The following COL24A1 variants were observed in gnomAD, a reference collection of about 807,000 sequenced individuals.
COL24A1 encodes the protein collagen alpha-1(XXIV) chain.
A neutral mutation model predicts 253.9 loss-of-function variants in COL24A1; 224 were observed. That is an observed-to-expected ratio of 0.88 (90% CI 0.79 to 0.99). COL24A1 has a LOEUF of 0.99. Among genes scored for constraint, COL24A1 ranks in the 50% least tolerant of loss-of-function variants. The pLI, the probability that COL24A1 is intolerant of heterozygous loss-of-function variation, is 0.00. For synonymous variants in COL24A1, 685 were observed against 673.7 expected (o/e 1.02, Z -0.26); for missense variants, 2,131 against 2,068.5 (o/e 1.03, Z -0.59).
At chr1:85,961,779 GGAGA>G (rs750335544) in intron 23 of COL24A1, among the ~76,000 whole-genome samples, 1 of 152,180 alleles carries the variant, frequency 6.6e-6, no homozygotes, top group African/African-American at 2.4e-5. Flanking sequence ...TGTTGGAGCA[GGAGA>G]GAGTGAGAGC....
At chr1:86,061,721 A>G (rs1416340900) in intron 8 of COL24A1, among the ~76,000 whole-genome samples, 1 of 152,108 alleles carries the variant, frequency 6.6e-6, no homozygotes, top group East Asian at 1.9e-4. Flanking sequence ...AGACAACCAC[A>G]GAAACTCAAA....
chr1:86,143,386 A>C (rs551617863), intron 2 of COL24A1, among the ~76,000 whole-genome samples: 1 of 152,330 alleles, frequency 6.6e-6, no homozygotes, highest in South Asian at 2.1e-4. Context: ...TCTGAGATTT[A>C]GTGATAGTGA....
At chr1:85,817,053 G>A (rs1362700140) in intron 46 of COL24A1, among the ~76,000 whole-genome samples, 158 bp from the exon 47 acceptor site, 1 of 152,076 alleles carries the variant, frequency 6.6e-6, no homozygotes, top group Non-Finnish European at 1.5e-5. Flanking sequence ...TTACTATTTG[G>A]ATTCAACAGA....
intron 51 of COL24A1, 100 bp downstream of exon 51, chr1:85,783,396 A>C (rs1410186200): frequency 3.2e-6 from 3 of 931,550 alleles, no homozygotes; most frequent in Non-Finnish European, 4.9e-6. Flanking sequence ...AAGTCATTTC[A>C]TTAAGTTATT....
intron 5 of COL24A1, among the ~76,000 whole-genome samples, chr1:86,108,816 A>G (rs574157387): frequency 2.0e-5 from 3 of 151,552 alleles, no homozygotes; most frequent in Admixed American, 6.6e-5. Flanking sequence ...TCAAAAAAAA[A>G]AAAGGATTCT....
chr1:86,051,097 A>G lies in COL24A1; in HGVS notation c.1852-920T>C, dbSNP rs193128485. The stretch of plus-strand genomic sequence containing the variant: ...ATACAGCATACAGCCATGACAGGAA[A>G]CACTGAATATAGGCCAACCTGTTAG... On this transcript the variant is annotated intron_variant, in intron 10 of 59. Transcript: ENST00000370571. Among the ~76,000 whole-genome samples the G allele has an allele frequency of 2.6e-3, 395 of 152,250 alleles. 2 individuals carry two copies. Among genetic ancestry groups the G allele is most frequent in the African/African-American group, 9.2e-3 (381 of 41,566 alleles).
At chr1:85,797,825 C>G (rs998436728) in intron 47 of COL24A1, among the ~76,000 whole-genome samples, 1 of 152,096 alleles carries the variant, frequency 6.6e-6, no homozygotes, top group African/African-American at 2.4e-5. Flanking sequence ...GCACAGCACA[C>G]ATCAGAAGCA....
At chr1:85,815,147 T>C (rs1036572719) in intron 47 of COL24A1, among the ~76,000 whole-genome samples, 25 of 152,328 alleles carry the variant, frequency 1.6e-4, no homozygotes, top group Non-Finnish European at 3.1e-4. Flanking sequence ...TTCTCAAAAA[T>C]CTTATTCAAA....
At chr1:85,852,155 C>T (rs1045909465) in intron 37 of COL24A1, among the ~76,000 whole-genome samples, 5 of 150,784 alleles carry the variant, frequency 3.3e-5, no homozygotes, top group African/African-American at 9.7e-5. Context: ...TTTTTTTTTT[C>T]ATTTGGATAA....
chr1:86,005,094 G>A (rs1558976114), intron 19 of COL24A1, among the ~76,000 whole-genome samples: 2 of 146,088 alleles, frequency 1.4e-5, no homozygotes, highest in Non-Finnish European at 3.1e-5. Flanking sequence ...AATGGACAGT[G>A]AAAGAGTGAG....
chr1:85,819,422 C>T (rs1673374654), intron 45 of COL24A1, among the ~76,000 whole-genome samples: 1 of 151,858 alleles, frequency 6.6e-6, no homozygotes, highest in South Asian at 2.1e-4. Flanking sequence ...TCTTTTTATG[C>T]AACGAGATAT....
At chr1:86,099,654 G>A (rs550003374) in intron 5 of COL24A1, among the ~76,000 whole-genome samples, 4 of 152,216 alleles carry the variant, frequency 2.6e-5, no homozygotes, top group African/African-American at 7.2e-5. Context: ...AGCAAATCAT[G>A]TTGACTGTAA....
At chr1:85,842,020 G>GA in intron 41 of COL24A1, 48 bp downstream of exon 41, 2 of 1,510,206 alleles carry the variant, frequency 1.3e-6, no homozygotes, top group Non-Finnish European at 1.8e-6. Flanking sequence ...AATAATTCAT[G>GA]AACTCAATGT....
chr1:85,992,272 A>G (rs920208506), intron 19 of COL24A1, among the ~76,000 whole-genome samples: 3 of 152,164 alleles, frequency 2.0e-5, no homozygotes, highest in African/African-American at 4.8e-5. Context: ...TTATGGCTGC[A>G]TAGTATTCCA....
At chr1:85,826,091 T>G (rs1303804903) in intron 43 of COL24A1, among the ~76,000 whole-genome samples, 1,772 of 138,898 alleles carry the variant, frequency 0.013, 47 homozygotes, top group African/African-American at 0.044. Context: ...CATCTTGAAT[T>G]GATTTTTGTA....
At position 85,838,612 on chromosome 1, in the gene COL24A1, T is replaced by C. The variant is rs1558334816; in HGVS notation, c.3654A>G (p.Arg1218=). The change falls in exon 43 of 60, where the codon AGA becomes AGG. Residue 1218 remains arginine, a synonymous_variant. Coordinates refer to ENST00000370571, the MANE Select transcript of COL24A1 (RefSeq NM_152890.7). The part of the protein sequence containing the change: ...EPGPVGDQGE[R]GEPGAEGYKG... ...TATATCCCTCTGCTCCAGGCTCTCCTCTCTCTCCTTGGTCCCCCACTGGAC... is the reference window on the plus strand; with the variant it reads ...TATATCCCTCTGCTCCAGGCTCTCCCCTCTCTCCTTGGTCCCCCACTGGAC... The C allele has an allele frequency of 2.5e-6, 4 of 1,613,856 alleles. No homozygotes were observed. The highest frequency in any genetic ancestry group is 1.7e-5 in the Admixed American group (1 of 60,008).
chr1:85,995,197 G>A (rs1365575211), intron 19 of COL24A1, among the ~76,000 whole-genome samples: 1 of 152,056 alleles, frequency 6.6e-6, no homozygotes, highest in Non-Finnish European at 1.5e-5. Flanking sequence ...TGTCAATCAA[G>A]CTGGAGTACA....
rs954569891 is a variant in COL24A1, at chr1:86,046,850, C to A, written c.1925G>T (p.Gly642Val). Reference sequence around the variant, plus strand: ...CTGTCTCCCCTTAAAACCCTTCTTTCCACGGATCCCAGGAATGCCCTAGAA... The same window carrying A: ...CTGTCTCCCCTTAAAACCCTTCTTTACACGGATCCCAGGAATGCCCTAGAA... ...EGERGIPGIR[G>V]KKGFKGRQGF... The change falls in exon 12 of 60, where the codon GGA becomes GTA. Residue 642 changes from glycine (G) to valine (V), a missense_variant. By Grantham distance (109) the Gly-to-Val change is moderately radical. Transcript: ENST00000370571. The A allele has an allele frequency of 1.9e-5, 30 of 1,597,766 alleles. No individual in the cohort carries two copies. Among genetic ancestry groups the A allele is most frequent in the Non-Finnish European group, 2.5e-5 (29 of 1,165,630 alleles).
At chr1:85,963,252 A>C (rs147150089) in intron 23 of COL24A1, among the ~76,000 whole-genome samples, 2 of 152,170 alleles carry the variant, frequency 1.3e-5, no homozygotes, top group Non-Finnish European at 2.9e-5. Context: ...AATAGTAAAG[A>C]ATGAAGCACA....
Sources: allele counts gnomAD v4.1 joint callset (sites outside exome capture counted in the v4.1 genomes callset), GRCh38; gene constraint gnomAD v4.1.1; transcripts MANE v1.5; gene names NCBI Gene and HGNC (gene_info 2026-07-23, HGNC 2026-07-21).